CLEC1B: variants seen among roughly 807,000 people sequenced by gnomAD.
The protein encoded by CLEC1B is C-type lectin domain family 1 member B, also known as C-type lectin-like receptor 2.
A neutral mutation model predicts 26.7 loss-of-function variants in CLEC1B; 26 were observed. The observed-to-expected ratio is 0.97, with a 90% CI of 0.71 to 1.35. The LOEUF is 1.35. Ranked by LOEUF, CLEC1B falls within the 40% of genes most tolerant of loss-of-function variation. The probability of loss-of-function intolerance (pLI) is 0.00; values close to 1 mark genes in which losing one functional copy is unlikely to be tolerated. For synonymous variants in CLEC1B, 112 were observed against 96.0 expected (o/e 1.17, Z -0.97); for missense variants, 293 against 282.6 (o/e 1.04, Z -0.26).
chr12:9,999,255 T>C (rs1236546472), upstream of CLEC1B: 6 of 520,394 alleles, frequency 1.2e-5, no homozygotes, highest in Non-Finnish European at 2.0e-5. Flanking sequence ...CCTTTGCTTA[T>C]TGTTTTCCAG....
upstream of CLEC1B, among the ~76,000 whole-genome samples, chr12:10,001,881 CTTT>C (rs11436719): frequency 1.5e-5 from 2 of 134,212 alleles, no homozygotes; most frequent in Non-Finnish European, 1.6e-5. Flanking sequence ...TAAACAAAAT[CTTT>C]TTTTTTTTTT....
intron 4 of CLEC1B, chr12:9,995,718 TA>T (rs1865027700): frequency 4.7e-6 from 1 of 211,642 alleles, no homozygotes; most frequent in African/African-American, 2.4e-5. Context: ...GTTAATTGGA[TA>T]AAGGCATTTA....
In CLEC1B at chr12:9,999,037, C is replaced by A. The variant is rs766141113; in HGVS notation, c.64G>T (p.Val22Phe). 2 of 1,572,718 alleles carry A rather than the reference C, an allele frequency of 1.3e-6. No individual in the cohort carries two copies. The highest frequency in any genetic ancestry group is 1.7e-6 in the Non-Finnish European group (2 of 1,145,796). ...IKTRKPALIS[V>F]GSASSSWWRV... ...AATTATTGGCTCTGAGCATTCTTAC[C>A]GGAGATGAGAGCTGGTTTCCGAGTT... is the stretch of plus-strand genomic sequence containing the variant. The change falls in exon 1 of 6, where the codon GTT becomes TTT. Residue 22 changes from valine to phenylalanine, a missense_variant and splice_region_variant. Transcript: ENST00000298527.
rs1324215489 is a variant in CLEC1B at position 9,997,220 on chromosome 12, G to C, written c.223C>G (p.Gln75Glu). The C allele has an allele frequency of 2.5e-6, 4 of 1,613,820 alleles. No individual in the cohort carries two copies. The East Asian group carries it at 8.9e-5, about 36-fold the overall frequency. ...ENENRTGTLQ[Q>E]LAKRFCQYVV... ...TATTGACAGAAGCGCTTTGCTAATT[G>C]TTGCAGAGTTCCTGTGCGATTTTCA... Residue 75 changes from glutamine (Q) to glutamate (E), a missense_variant, in exon 3 of 6, where the codon CAA becomes GAA. Transcript: ENST00000298527.
chr12:9,996,599 C>T, intron 4 of CLEC1B: 4 of 542,066 alleles, frequency 7.4e-6, no homozygotes, highest in East Asian at 3.5e-5. Context: ...CATGTGTGAC[C>T]CACTATGTAC....
In CLEC1B at chr12:9,993,402, A is replaced by G. The variant is rs558475804; in HGVS notation, c.546-115T>C. ...TAGAGACTGAGGAAAATAGGAAAAA[A>G]AAACAAAAAAAAAAACGATTCTCAT... On this transcript the variant is annotated intron_variant, in intron 5 of 5. Coordinates refer to ENST00000298527, the MANE Select transcript of CLEC1B (RefSeq NM_016509.4). 7.4e-6 allele frequency: 5 copies of G among 674,806 alleles called. 1 individual carries two copies. In the Middle Eastern group the frequency reaches 9.9e-4, roughly 134 times the overall value. 41.8% of individuals were successfully genotyped at this position (674,806 alleles called of 1,614,324 possible). A position where few individuals can be genotyped will look rare whatever the true frequency, so the allele number is the denominator to read the frequency against.
Position 9,993,233 on chromosome 12 carries a change from A to G in CLEC1B, c.600T>C (p.Asn200=). 6.2e-7 allele frequency: 1 copy of G among 1,612,914 alleles called. No individual in the cohort carries two copies. The highest frequency in any genetic ancestry group is 8.5e-7 in the Non-Finnish European group (1 of 1,179,048). The change falls in exon 6 of 6, where the codon AAT becomes AAC. Residue 200 remains asparagine, a synonymous_variant. Transcript: ENST00000298527. ...KGNMNCAYFH[N]GKMHPTFCEN... ...CACAGAAGGTAGGGTGCATTTTCCCATTATGAAAATAAGCACAATTCATAT... is the reference window on the plus strand; with the variant it reads ...CACAGAAGGTAGGGTGCATTTTCCCGTTATGAAAATAAGCACAATTCATAT...
Position 9,997,273 on chromosome 12 carries a change from A to T in CLEC1B, c.170T>A (p.Met57Lys). The change falls in exon 3 of 6, where the codon ATG (methionine) becomes AAG (lysine). Residue 57 changes from methionine (M) to lysine (K), a missense_variant. Transcript: ENST00000298527. ...CTCACCTTGTAGGTAATTGCGCTGCATGACAGCTAGGTTTAAAAAGTAAAT... is the reference window on the plus strand; with the variant it reads ...CTCACCTTGTAGGTAATTGCGCTGCTTGACAGCTAGGTTTAAAAAGTAAAT... ...GLVALGIWSV[M>K]QRNYLQGENE... The T allele has an allele frequency of 6.2e-7, 1 of 1,610,706 alleles. No homozygotes were observed. Among genetic ancestry groups the T allele is most frequent in the Non-Finnish European group, 8.5e-7 (1 of 1,177,678 alleles).
upstream of CLEC1B, among the ~76,000 whole-genome samples, chr12:10,001,483 T>C (rs1484379005): frequency 6.6e-6 from 1 of 152,258 alleles, no homozygotes; most frequent in Non-Finnish European, 1.5e-5. Context: ...ATATCTTATC[T>C]GTGTTCCACA....
Position 9,995,197 on chromosome 12 carries a change from C to A in CLEC1B, c.488G>T (p.Arg163Leu), listed in dbSNP as rs935242723. Reference protein sequence around the residue: ...THLIRWVGLSRQKSNEVWKWE... With the variant: ...THLIRWVGLSLQKSNEVWKWE... ...CTTCCAGACCTCATTCGACTTCTGGCGAGATAATCCGACCCAACGAATTAA... is the reference window on the plus strand; with the variant it reads ...CTTCCAGACCTCATTCGACTTCTGGAGAGATAATCCGACCCAACGAATTAA... Residue 163 changes from arginine to leucine, a missense_variant, in exon 5 of 6, where the codon CGC becomes CTC. Transcript: ENST00000298527. 3.7e-6 allele frequency: 6 copies of A among 1,612,890 alleles called. No individual in the cohort carries two copies. The highest frequency in any genetic ancestry group is 1.3e-5 in the African/African-American group (1 of 74,848).
chr12:9,999,873 G>T (rs1865135161), upstream of CLEC1B, among the ~76,000 whole-genome samples: 1 of 152,184 alleles, frequency 6.6e-6, no homozygotes. Context: ...TTCAAGTACA[G>T]CTGTGCTTAG....
chr12:10,000,555 T>A (rs1865146610), upstream of CLEC1B, among the ~76,000 whole-genome samples: 1 of 152,232 alleles, frequency 6.6e-6, no homozygotes, highest in Admixed American at 6.5e-5. Flanking sequence ...TAAAAATTTT[T>A]AAAAAACATT....
Position 9,997,264 on chromosome 12 carries a change from TTGC to T in CLEC1B, c.176_178del (p.Arg59_Asn60delinsHis), listed in dbSNP as rs781150132. 66 of 1,611,982 alleles carry T rather than the reference TTGC, an allele frequency of 4.1e-5. No homozygotes were observed. The highest frequency in any genetic ancestry group is 1.8e-4 in the Admixed American group (11 of 59,950). ...ATTTTCATTCTCACCTTGTAGGTAA[TTGC>T]GCTGCATGACAGCTAGGTTTAAAAA... On this transcript the variant is annotated inframe_deletion, in exon 3 of 6. Transcript: ENST00000298527.
At chr12:10,000,983 G>C (rs1475523878), upstream of CLEC1B, among the ~76,000 whole-genome samples, 3 of 152,186 alleles carry the variant, frequency 2.0e-5, no homozygotes, top group Non-Finnish European at 4.4e-5. Flanking sequence ...GGAGGTTATA[G>C]TACAAATGAC....
chr12:9,998,736 C>T (rs1454916936), intron 1 of CLEC1B, among the ~76,000 whole-genome samples: 1 of 152,170 alleles, frequency 6.6e-6, no homozygotes. Context: ...GAATCACACT[C>T]ATTTGCTCAC....
chr12:9,994,652 T>C (rs1056160075), intron 5 of CLEC1B, among the ~76,000 whole-genome samples: 2 of 152,080 alleles, frequency 1.3e-5, no homozygotes, highest in Non-Finnish European at 2.9e-5. Context: ...TGAAATACAA[T>C]GTATCGAATT....
In CLEC1B at chr12:9,997,271, G is replaced by A; in HGVS notation, c.172C>T (p.Gln58Ter). 6.2e-7 allele frequency: 1 copy of A among 1,610,454 alleles called. No homozygotes were observed. The highest frequency in any genetic ancestry group is 1.1e-5 in the South Asian group (1 of 90,916). The change falls in exon 3 of 6, where the codon CAG becomes TAG. Residue 58 changes from glutamine (Q) to a stop codon, truncating the protein, a stop_gained. Coordinates refer to ENST00000298527, the MANE Select transcript of CLEC1B (RefSeq NM_016509.4). LOFTEE classifies it high-confidence loss of function. The part of the protein sequence containing the change: ...LVALGIWSVM[Q>*]RNYLQGENEN... The stretch of plus-strand genomic sequence containing the variant: ...TTCTCACCTTGTAGGTAATTGCGCT[G>A]CATGACAGCTAGGTTTAAAAAGTAA...
chr12:9,995,093 TAA>T (rs764494234), intron 5 of CLEC1B, 45 bp downstream of exon 5: 3 of 1,604,806 alleles, frequency 1.9e-6, no homozygotes, highest in South Asian at 1.1e-5. Context: ...ATCTCAAGAA[TAA>T]GAGTTTCCAG....
At chr12:10,001,412 C>T (rs643798), upstream of CLEC1B, among the ~76,000 whole-genome samples, 13,333 of 152,262 alleles carry the variant, frequency 0.088, 786 homozygotes, top group South Asian at 0.32. Context: ...TCCTCTTTCT[C>T]ATTGTAATTT....
Sources: gnomAD v4.1 joint callset for allele counts (sites outside exome capture counted in the v4.1 genomes callset) on GRCh38, gnomAD v4.1.1 for gene constraint, MANE v1.5 for transcripts, NCBI Gene and HGNC (gene_info 2026-07-23, HGNC 2026-07-21) for gene names.